Variants in PCED1B observed in about 807,000 individuals in gnomAD.
PCED1B encodes PC-esterase domain containing 1B.
For synonymous variants in PCED1B, 251 were observed against 246.1 expected, an observed-to-expected ratio of 1.02 and a Z score of -0.19; for missense variants, 573 against 573.9, an observed-to-expected ratio of 1.00 and a Z score of 0.02.
At chr12:47,207,886 C>T (rs1942958228) in intron 2 of PCED1B, among the ~76,000 whole-genome samples, 1 of 152,164 alleles carries the variant, frequency 6.6e-6, no homozygotes, top group African/African-American at 2.4e-5. Context: ...ACAAACTAAG[C>T]ATATGACAGG....
At chr12:47,136,453 G>A (rs1360477443) in intron 2 of PCED1B, among the ~76,000 whole-genome samples, 2 of 152,142 alleles carry the variant, frequency 1.3e-5, no homozygotes, top group Non-Finnish European at 2.9e-5. Context: ...CTACTTTAAA[G>A]GATAAGTGAA....
At chr12:47,101,137 C>T (rs1011951) in intron 1 of PCED1B, among the ~76,000 whole-genome samples, 66,213 of 151,822 alleles carry the variant, frequency 0.44, 14,906 homozygotes, top group Admixed American at 0.59. Flanking sequence ...TATTCCATTC[C>T]ATCTTAAATA....
chr12:47,102,155 C>A (rs1274208495), intron 1 of PCED1B, among the ~76,000 whole-genome samples: 1 of 152,108 alleles, frequency 6.6e-6, no homozygotes, highest in East Asian at 1.9e-4. Flanking sequence ...CATGGCCTAC[C>A]AAAATTATAT....
chr12:47,116,669 G>A (rs1483734137), intron 2 of PCED1B, among the ~76,000 whole-genome samples: 3 of 152,066 alleles, frequency 2.0e-5, no homozygotes, highest in African/African-American at 7.2e-5. Context: ...TTCATTTATT[G>A]AAAATGTCAA....
chr12:47,149,086 T>C (rs1823767415), intron 2 of PCED1B, among the ~76,000 whole-genome samples: 1 of 152,240 alleles, frequency 6.6e-6, no homozygotes, highest in South Asian at 2.1e-4. Context: ...TCCCTTTGGC[T>C]ATTTCCAGTC....
At chr12:47,168,373 T>C (rs1187686061) in intron 2 of PCED1B, among the ~76,000 whole-genome samples, 2 of 152,212 alleles carry the variant, frequency 1.3e-5, no homozygotes, top group East Asian at 3.8e-4. Context: ...TATTCTCTTA[T>C]AATGTTTTCA....
At chr12:47,118,819 G>A (rs4570672) in intron 2 of PCED1B, among the ~76,000 whole-genome samples, 69,861 of 151,824 alleles carry the variant, frequency 0.46, 17,628 homozygotes, top group African/African-American at 0.68. Flanking sequence ...CTTCCTATCC[G>A]TGAGCATGGA....
At chr12:47,184,252 C>T (rs558749722) in intron 2 of PCED1B, among the ~76,000 whole-genome samples, 1 of 152,252 alleles carries the variant, frequency 6.6e-6, no homozygotes, top group African/African-American at 2.4e-5. Flanking sequence ...TGAGCTGTAC[C>T]TTGCATGCTT....
intron 1 of PCED1B, among the ~76,000 whole-genome samples, chr12:47,102,504 G>A (rs755271391): frequency 5.3e-5 from 8 of 152,192 alleles, no homozygotes; most frequent in Non-Finnish European, 1.0e-4. Context: ...GTGACATCAG[G>A]AAGAGAGTCT....
intron 2 of PCED1B, among the ~76,000 whole-genome samples, chr12:47,162,478 A>G (rs1005951252): frequency 1.2e-4 from 19 of 152,210 alleles, no homozygotes; most frequent in African/African-American, 4.6e-4. Context: ...GTAAAGAAAT[A>G]CCAGAGGTTG....
intron 3 of PCED1B, among the ~76,000 whole-genome samples, chr12:47,229,203 C>G (rs908634629): frequency 5.9e-5 from 9 of 151,922 alleles, no homozygotes; most frequent in Non-Finnish European, 1.3e-4. Context: ...CACCTGAGGT[C>G]AGGAGTTCGA....
chr12:47,156,225 T>C (rs951226765), intron 2 of PCED1B, among the ~76,000 whole-genome samples: 5 of 152,168 alleles, frequency 3.3e-5, no homozygotes, highest in African/African-American at 1.2e-4. Flanking sequence ...GGCAAAAATA[T>C]AAAGCCTTGA....
chr12:47,207,331 G>T (rs1851134486), intron 2 of PCED1B, among the ~76,000 whole-genome samples: 1 of 152,132 alleles, frequency 6.6e-6, no homozygotes, highest in South Asian at 2.1e-4. Context: ...GGAGCTGGCA[G>T]CTGGGCTCAT....
intron 3 of PCED1B, among the ~76,000 whole-genome samples, chr12:47,222,525 T>A (rs1943515936): frequency 6.6e-6 from 1 of 151,822 alleles, no homozygotes; most frequent in Non-Finnish European, 1.5e-5. Context: ...ATAACTTTAT[T>A]CTCTCTACCT....
At chr12:47,145,718 G>A (rs998553879) in intron 2 of PCED1B, among the ~76,000 whole-genome samples, 1 of 152,162 alleles carries the variant, frequency 6.6e-6, no homozygotes, top group Non-Finnish European at 1.5e-5. Flanking sequence ...ATATTTTCAA[G>A]TCCACTATTG....
intron 2 of PCED1B, among the ~76,000 whole-genome samples, chr12:47,129,103 CT>C (rs1190336953): frequency 2.0e-5 from 3 of 152,190 alleles, no homozygotes; most frequent in Non-Finnish European, 4.4e-5. Context: ...TTCTCTTTGC[CT>C]ACCAGCCTTC....
intron 2 of PCED1B, among the ~76,000 whole-genome samples, chr12:47,129,662 A>G (rs768879156): frequency 2.0e-5 from 3 of 152,148 alleles, no homozygotes; most frequent in African/African-American, 7.2e-5. Context: ...GCCAGGTTAT[A>G]TAAATACCAC....
In PCED1B at chr12:47,236,038, CCAT is replaced by C. The variant is rs1396833425; in HGVS notation, c.978_980del (p.His327del). 6.2e-7 allele frequency: 1 copy of C among 1,613,890 alleles called. No individual in the cohort carries two copies. Among genetic ancestry groups the C allele is most frequent in the Non-Finnish European group, 8.5e-7 (1 of 1,179,990 alleles). Reference sequence around the variant, plus strand: ...CCCCACAGCCTCCTCCTCCCATTCTCCATCACCAGGGAATGCCCCGGTTCCCAC... The same window carrying C: ...CCCCACAGCCTCCTCCTCCCATTCTCCACCAGGGAATGCCCCGGTTCCCAC... On this transcript the variant is annotated inframe_deletion, in exon 4 of 4. Transcript: ENST00000546455.
chr12:47,176,900 A>G (rs1414863998), intron 2 of PCED1B, among the ~76,000 whole-genome samples: 1 of 152,240 alleles, frequency 6.6e-6, no homozygotes, highest in Admixed American at 6.5e-5. Flanking sequence ...GAAGCATTGA[A>G]TGTTGAGAGT....
Sources: gnomAD v4.1 joint callset for allele counts (sites outside exome capture counted in the v4.1 genomes callset) on GRCh38, gnomAD v4.1.1 for gene constraint, MANE v1.5 for transcripts, NCBI Gene and HGNC (gene_info 2026-07-23, HGNC 2026-07-21) for gene names.